The following FARP2 variants were observed in gnomAD, a reference collection of about 807,000 sequenced individuals.
FARP2 encodes FERM, ARH/RhoGEF and pleckstrin domain protein 2.
FARP2 carries 111 observed loss-of-function variants against 130.5 expected under a neutral mutation model. The observed-to-expected ratio is 0.85, with a 90% confidence interval of 0.73 to 1.00. The LOEUF (loss-of-function observed/expected upper bound fraction) is 1.00, where lower values mean the gene tolerates loss of function less well. Ranked by LOEUF, FARP2 falls within the 50% of genes least tolerant of loss-of-function variation. The pLI is 0.00. For missense variants in FARP2, 1,385 were observed against 1,346.3 expected, an observed-to-expected ratio of 1.03 and a Z score of -0.45; for synonymous variants, 504 against 516.9, an observed-to-expected ratio of 0.98 and a Z score of 0.34.
intron 5 of FARP2, among the ~76,000 whole-genome samples, chr2:241,409,116 G>C (rs943393816): frequency 6.6e-6 from 1 of 152,076 alleles, no homozygotes; most frequent in Non-Finnish European, 1.5e-5. Context: ...CCCTCATTCA[G>C]GATCCTGGGT....
intron 1 of FARP2, among the ~76,000 whole-genome samples, chr2:241,364,200 G>T (rs138323128): frequency 6.6e-6 from 1 of 152,336 alleles, no homozygotes; most frequent in Non-Finnish European, 1.5e-5. Flanking sequence ...GAGACTGGAA[G>T]TATAAGAAGT....
Position 241,493,402 on chromosome 2 carries a change from A to T in FARP2, c.3005A>T (p.His1002Leu), listed in dbSNP as rs777744170. The T allele has an allele frequency of 1.9e-6, 3 of 1,613,932 alleles. No homozygotes were observed. Among genetic ancestry groups the T allele is most frequent in the Non-Finnish European group, 2.5e-6 (3 of 1,179,984 alleles). The stretch of plus-strand genomic sequence containing the variant: ...GTTTTCAAGCTCCAGTTCAAATCCC[A>T]CGTCTACTTCTTCCGGGCTGAGAGC... Reference protein sequence around the residue: ...DYVFKLQFKSHVYFFRAESKY... With the variant: ...DYVFKLQFKSLVYFFRAESKY... The change falls in exon 26 of 27, where the codon CAC becomes CTC. Residue 1002 changes from histidine to leucine, a missense_variant. Physicochemically the swap from His to Leu is moderately conservative, Grantham distance 99 (BLOSUM62 -3). Transcript: ENST00000264042.
At chr2:241,410,333 C>T (rs150208219) in intron 5 of FARP2, among the ~76,000 whole-genome samples, 1 of 152,168 alleles carries the variant, frequency 6.6e-6, no homozygotes, top group East Asian at 1.9e-4. Context: ...ATGTGACTAA[C>T]AGAAGTAATG....
chr2:241,468,013 C>G, intron 17 of FARP2, 127 bp from the exon 18 acceptor site: 1 of 738,988 alleles, frequency 1.4e-6, no homozygotes, highest in South Asian at 1.6e-5. Context: ...CTGGCGCACG[C>G]TGGGCCACTG....
chr2:241,434,207 G>C lies in FARP2; in HGVS notation c.917G>C (p.Cys306Ser). 1 of 1,613,878 alleles carries C rather than the reference G, an allele frequency of 6.2e-7. No individual in the cohort carries two copies. Among genetic ancestry groups the C allele is most frequent in the Non-Finnish European group, 8.5e-7 (1 of 1,179,820 alleles). Residue 306 changes from cysteine (C) to serine (S), a missense_variant, in exon 10 of 27, where the codon TGT (cysteine) becomes TCT (serine). Physicochemically the swap from Cys to Ser is moderately radical, Grantham distance 112. Transcript: ENST00000264042. ...TTTTTGTTGGGTAGTAGAGATGAATGTAAGAACTTCTGGAAGATTTGTGTG... is the reference window on the plus strand; with the variant it reads ...TTTTTGTTGGGTAGTAGAGATGAATCTAAGAACTTCTGGAAGATTTGTGTG... ...LEFLLGSRDE[C>S]KNFWKICVEY...
intron 10 of FARP2, among the ~76,000 whole-genome samples, chr2:241,434,626 T>C (rs1574817778): frequency 8.6e-5 from 13 of 151,990 alleles, no homozygotes; most frequent in Admixed American, 8.5e-4. Flanking sequence ...CCAAGGCGGG[T>C]GGATCATTTG....
At chr2:241,378,270 A>ATTTTTTTTTATTGTATTTTTTT (rs1559713563) in intron 2 of FARP2, among the ~76,000 whole-genome samples, 19 of 141,620 alleles carry the variant, frequency 1.3e-4, no homozygotes, top group African/African-American at 4.7e-4. Flanking sequence ...CCCGGCTAAT[A>ATTTTTTTTTATTGTATTTTTTT]TTTTTTTTTT....
Position 241,489,898 on chromosome 2 carries a change from G to C in FARP2, c.2422-64G>C. 3.5e-6 allele frequency: 4 copies of C among 1,143,958 alleles called. 1 individual carries two copies. The South Asian group carries it at 5.0e-5, about 14-fold the overall frequency. 70.9% of individuals were successfully genotyped at this position (1,143,958 alleles called of 1,614,324 possible). ...ATTGCCAGCAGTCACCTTGTGTCCT[G>C]CTCAGGCTTAGGCTGTCAGTTCCTT... On this transcript the variant is annotated intron_variant, in intron 21 of 26. Coordinates refer to ENST00000264042, the MANE Select transcript of FARP2 (RefSeq NM_014808.4).
intron 24 of FARP2, among the ~76,000 whole-genome samples, chr2:241,492,168 C>T (rs528372305): frequency 2.3e-4 from 35 of 152,324 alleles, no homozygotes; most frequent in African/African-American, 8.2e-4. Flanking sequence ...TCTTACTCCA[C>T]CCAGAGCTCT....
At chr2:241,484,655 GC>G (rs2124890294) in intron 21 of FARP2, among the ~76,000 whole-genome samples, 1 of 152,350 alleles carries the variant, frequency 6.6e-6, no homozygotes, top group Admixed American at 6.5e-5. Flanking sequence ...AGCCTCTGCA[GC>G]AGCATCTTCC....
intron 19 of FARP2, among the ~76,000 whole-genome samples, chr2:241,476,676 C>T (rs543175343): frequency 6.6e-6 from 1 of 151,940 alleles, no homozygotes; most frequent in East Asian, 1.9e-4. Flanking sequence ...GTAACATGAG[C>T]GAAACTCCGT....
At chr2:241,373,628 G>C (rs1467941664) in intron 2 of FARP2, among the ~76,000 whole-genome samples, 1 of 152,186 alleles carries the variant, frequency 6.6e-6, no homozygotes, top group South Asian at 2.1e-4. Flanking sequence ...GCGAGGCCCA[G>C]GCCACCTGGA....
At chr2:241,369,210 G>A (rs901996371) in intron 1 of FARP2, among the ~76,000 whole-genome samples, 2 of 152,050 alleles carry the variant, frequency 1.3e-5, no homozygotes, top group African/African-American at 4.8e-5. Context: ...TAGGAAAAGT[G>A]TTTTTTATTT....
At chr2:241,466,335 G>A (rs2064168691) in intron 17 of FARP2, 8 of 985,400 alleles carry the variant, frequency 8.1e-6, no homozygotes, top group Non-Finnish European at 9.6e-6. Context: ...ACCCCTCAGC[G>A]ACACTATACA....
chr2:241,366,711 A>G (rs1431377735), intron 1 of FARP2, among the ~76,000 whole-genome samples: 5 of 152,038 alleles, frequency 3.3e-5, no homozygotes, highest in Non-Finnish European at 7.4e-5. Flanking sequence ...TCAAGAACAC[A>G]TTTTCTTTCC....
At chr2:241,374,883 C>G (rs2061499275) in intron 2 of FARP2, among the ~76,000 whole-genome samples, 1 of 152,212 alleles carries the variant, frequency 6.6e-6, no homozygotes, top group Non-Finnish European at 1.5e-5. Context: ...GCTGCCCTTT[C>G]ACCAGCTCTT....
Position 241,493,001 on chromosome 2 carries a change from A to T in FARP2, c.2860A>T (p.Thr954Ser). The T allele has an allele frequency of 6.2e-7, 1 of 1,610,564 alleles. No homozygotes were observed. The highest frequency in any genetic ancestry group is 1.7e-5 in the Admixed American group (1 of 60,026). Residue 954 changes from threonine (T) to serine (S), a missense_variant, in exon 25 of 27, where the codon ACC becomes TCC. Transcript: ENST00000264042. ...CTGGCAGAAGCTCTGGGTCGTCTTT[A>T]CCAACTTCTGTTTGTTCTTCTACAA... ...HGWQKLWVVFTNFCLFFYKTH... is the reference protein window; with the variant it reads ...HGWQKLWVVFSNFCLFFYKTH...
At chr2:241,411,186 G>C in intron 6 of FARP2, 56 bp downstream of exon 6, 2 of 1,216,160 alleles carry the variant, frequency 1.6e-6, no homozygotes, top group South Asian at 2.5e-5. Flanking sequence ...AGATATACCC[G>C]CACTCAGAAC....
chr2:241,422,800 C>T (rs919889781), intron 8 of FARP2, among the ~76,000 whole-genome samples: 22 of 152,136 alleles, frequency 1.4e-4, no homozygotes, highest in African/African-American at 5.1e-4. Context: ...AAAAACACAA[C>T]ACGAGAACCT....
Sources: allele counts gnomAD v4.1 joint callset (sites outside exome capture counted in the v4.1 genomes callset), GRCh38; gene constraint gnomAD v4.1.1; transcripts MANE v1.5; gene names NCBI Gene and HGNC (gene_info 2026-07-23, HGNC 2026-07-21).